Variants in TRPM6 observed in about 807,000 individuals in gnomAD.
TRPM6 encodes the protein channel kinase 2.
A neutral mutation model predicts 247.6 loss-of-function variants in TRPM6; 111 were observed. The observed-to-expected ratio is 0.45, with a 90% confidence interval of 0.38 to 0.52. The LOEUF (loss-of-function observed/expected upper bound fraction) is 0.52, where lower values mean the gene tolerates loss of function less well. Among genes scored for constraint, TRPM6 ranks in the 20% least tolerant of loss-of-function variants. The pLI is 0.00. For synonymous variants in TRPM6, 892 were observed against 853.8 expected (o/e 1.04, Z -0.78); for missense variants, 2,126 against 2,421.5 (o/e 0.88, Z 2.56).
intron 33 of TRPM6, among the ~76,000 whole-genome samples, chr9:74,742,142 G>A (rs1479518415): frequency 6.6e-6 from 1 of 152,100 alleles, no homozygotes; most frequent in African/African-American, 2.4e-5. Context: ...AGCAATTAGT[G>A]TACACAAAAC....
chr9:74,784,021 C>A (rs1440128168), intron 21 of TRPM6, among the ~76,000 whole-genome samples: 1 of 151,968 alleles, frequency 6.6e-6, no homozygotes, highest in Non-Finnish European at 1.5e-5. Context: ...TTTGGGAGGC[C>A]GAGGCGAGCG....
chr9:74,828,742 C>T lies in TRPM6; in HGVS notation c.670-793G>A, dbSNP rs575729588. Among the ~76,000 whole-genome samples the T allele has an allele frequency of 4.6e-5, 7 of 151,582 alleles. No individual in the cohort carries two copies. The East Asian group carries it at 9.8e-4, about 21-fold the overall frequency. On this transcript the variant is annotated intron_variant, in intron 6 of 38. Transcript: ENST00000360774. ...CTCCCAAGTTCAAGCGATTCTCCTG[C>T]TTCAGCCTCCCGAGTAGCTGGGTCT... is the stretch of plus-strand genomic sequence containing the variant.
chr9:74,852,539 C>G (rs1421202370), intron 3 of TRPM6, among the ~76,000 whole-genome samples: 1 of 152,134 alleles, frequency 6.6e-6, no homozygotes, highest in Non-Finnish European at 1.5e-5. Flanking sequence ...CCCTCTGATG[C>G]CTAGCCAAGG....
intron 31 of TRPM6, among the ~76,000 whole-genome samples, chr9:74,745,288 C>T (rs1826000416): frequency 6.6e-6 from 1 of 152,160 alleles, no homozygotes; most frequent in Non-Finnish European, 1.5e-5. Flanking sequence ...AGCTGTGAGA[C>T]CACATTGGTA....
chr9:74,810,387 A>C (rs1258015835), intron 13 of TRPM6, among the ~76,000 whole-genome samples: 1 of 152,178 alleles, frequency 6.6e-6, no homozygotes, highest in East Asian at 1.9e-4. Flanking sequence ...AGACTCACAA[A>C]AGCAGCAAGA....
chr9:74,858,756 G>T lies in TRPM6; in HGVS notation c.34-8C>A, dbSNP rs746535675. On this transcript the variant is annotated splice_region_variant and splice_polypyrimidine_tract_variant and intron_variant, in intron 1 of 38. Coordinates refer to ENST00000360774, the MANE Select transcript of TRPM6 (RefSeq NM_017662.5). ...AATCCAGGATTTCTGGGACTAAAAA[G>T]AAAGTGTCATTATTTTATACTCTAA... 8 of 1,603,338 alleles carry T rather than the reference G, an allele frequency of 5.0e-6. No individual in the cohort carries two copies. The South Asian group carries it at 6.6e-5, about 13-fold the overall frequency.
chr9:74,869,487 A>T (rs1453751537), intron 1 of TRPM6, among the ~76,000 whole-genome samples: 1 of 151,172 alleles, frequency 6.6e-6, no homozygotes, highest in Non-Finnish European at 1.5e-5. Context: ...TCATAAATGG[A>T]CGATATAAAG....
intron 7 of TRPM6, among the ~76,000 whole-genome samples, chr9:74,822,158 A>T (rs1829153137): frequency 6.6e-6 from 1 of 152,250 alleles, no homozygotes. Flanking sequence ...TCTAAAAGTA[A>T]ACAGAACAAT....
chr9:74,798,534 G>A (rs112722815), intron 17 of TRPM6, among the ~76,000 whole-genome samples: 6 of 152,252 alleles, frequency 3.9e-5, no homozygotes, highest in Middle Eastern at 3.4e-3. Context: ...TTGCAGAACA[G>A]CTGGCTTATG....
At position 74,723,664 on chromosome 9, in the gene TRPM6, T is replaced by C. The variant is rs1396755905; in HGVS notation, c.*949A>G. On this transcript the variant is annotated 3_prime_UTR_variant, in exon 39 of 39. Coordinates refer to ENST00000360774, the MANE Select transcript of TRPM6 (RefSeq NM_017662.5). ...CTAAAAATACAAAATTAGCCAGGCA[T>C]AGTGGTGCACACCTGTAGTCCCAGC... 1 of 151,228 alleles carries C rather than the reference T, an allele frequency of 6.6e-6. No homozygotes were observed. Among genetic ancestry groups the C allele is most frequent in the South Asian group, 2.1e-4 (1 of 4,802 alleles). 9.4% of individuals were successfully genotyped at this position (151,228 alleles called of 1,614,324 possible).
chr9:74,725,369 A>AT (rs201565660), intron 38 of TRPM6, among the ~76,000 whole-genome samples: 1 of 152,104 alleles, frequency 6.6e-6, no homozygotes, highest in Admixed American at 6.5e-5. Context: ...TGTATTTCTT[A>AT]TTTTTTTAAT....
intron 1 of TRPM6, among the ~76,000 whole-genome samples, chr9:74,860,776 G>T (rs1176976264): frequency 1.3e-5 from 2 of 152,210 alleles, no homozygotes; most frequent in African/African-American, 2.4e-5. Context: ...CCAGCACTTT[G>T]TGAGGCCGAG....
chr9:74,866,048 C>T (rs1033279603), intron 1 of TRPM6, among the ~76,000 whole-genome samples: 15 of 152,210 alleles, frequency 9.9e-5, no homozygotes, highest in Admixed American at 2.0e-4. Flanking sequence ...CGCCTAGAAT[C>T]CCAGCACTTT....
chr9:74,852,299 C>T (rs190659853), intron 3 of TRPM6, among the ~76,000 whole-genome samples: 1 of 151,982 alleles, frequency 6.6e-6, no homozygotes, highest in African/African-American at 2.4e-5. Context: ...TCAAGCTATC[C>T]CCCAGCCTCA....
intron 27 of TRPM6, among the ~76,000 whole-genome samples, chr9:74,759,016 T>C (rs1826531707): frequency 6.6e-6 from 1 of 152,128 alleles, no homozygotes; most frequent in South Asian, 2.1e-4. Flanking sequence ...ATGGCAGTTA[T>C]AATAAAATTC....
Position 74,817,086 on chromosome 9 carries a change from C to G in TRPM6, c.1135-122G>C. On this transcript the variant is annotated intron_variant, in intron 9 of 38. Coordinates refer to ENST00000360774, the MANE Select transcript of TRPM6 (RefSeq NM_017662.5). ...TGAGGAAAACATTCTTCTTTAAAACCTTTTTTTACTTACAGGAGAGAAAAC... is the reference window on the plus strand; with the variant it reads ...TGAGGAAAACATTCTTCTTTAAAACGTTTTTTTACTTACAGGAGAGAAAAC... 18 of 947,794 alleles carry G rather than the reference C, an allele frequency of 1.9e-5. No homozygotes were observed. In the South Asian group the frequency reaches 2.4e-4, roughly 13 times the overall value. The allele number at this position is 947,794 out of a possible 1,614,324, so 58.7% of individuals were successfully genotyped here. A position where few individuals can be genotyped will look rare whatever the true frequency, so the allele number is the denominator to read the frequency against.
chr9:74,798,436 C>T (rs769891323), intron 17 of TRPM6, among the ~76,000 whole-genome samples: 4 of 152,096 alleles, frequency 2.6e-5, no homozygotes, highest in African/African-American at 9.7e-5. Flanking sequence ...CTGGAAAAAT[C>T]GCAGTTATCA....
At chr9:74,886,312 C>A (rs1484023891) in intron 1 of TRPM6, among the ~76,000 whole-genome samples, 1 of 152,168 alleles carries the variant, frequency 6.6e-6, no homozygotes, top group Non-Finnish European at 1.5e-5. Flanking sequence ...TCCAGTCTGG[C>A]CAAAATAGCT....
At chr9:74,847,067 T>C (rs1188154188) in intron 3 of TRPM6, among the ~76,000 whole-genome samples, 3 of 152,208 alleles carry the variant, frequency 2.0e-5, no homozygotes, top group Admixed American at 6.5e-5. Flanking sequence ...AATGGTCTTT[T>C]CACAATTAGG....
Sources: allele counts gnomAD v4.1 joint callset (sites outside exome capture counted in the v4.1 genomes callset), GRCh38; gene constraint gnomAD v4.1.1; transcripts MANE v1.5; gene names NCBI Gene and HGNC (gene_info 2026-07-23, HGNC 2026-07-21).